MAP4: variants seen among roughly 807,000 people sequenced by gnomAD.
MAP4 encodes the protein microtubule-associated protein 4.
In MAP4, 76 loss-of-function variants were observed where a neutral mutation model predicts 170.2. The observed-to-expected ratio is 0.45, with a 90% CI of 0.37 to 0.54. The LOEUF is 0.54. Among genes scored for constraint, MAP4 ranks in the 20% least tolerant of loss-of-function variants. The pLI is 0.00. For synonymous variants in MAP4, 909 were observed against 994.5 expected, an observed-to-expected ratio of 0.91 and a Z score of 1.62; for missense variants, 2,506 against 2,748.0, an observed-to-expected ratio of 0.91 and a Z score of 1.97.
intron 10 of MAP4, among the ~76,000 whole-genome samples, chr3:47,879,960 G>A (rs544100907): frequency 6.6e-6 from 1 of 152,296 alleles, no homozygotes; most frequent in African/African-American, 2.4e-5. Flanking sequence ...GATGTTAGCT[G>A]TAGGCTTTCT....
intron 11 of MAP4, 156 bp downstream of exon 11, chr3:47,877,261 G>A (rs562145959): frequency 3.3e-6 from 2 of 610,810 alleles, no homozygotes; most frequent in Non-Finnish European, 5.9e-6. Flanking sequence ...TGTGGTAAAT[G>A]AGAATACAAG....
At chr3:47,953,704 C>T (rs2100065990) in intron 3 of MAP4, among the ~76,000 whole-genome samples, 1 of 148,698 alleles carries the variant, frequency 6.7e-6, no homozygotes, top group Non-Finnish European at 1.5e-5. Context: ...ATAATCCTTT[C>T]ACTCAGGCAT....
chr3:47,939,725 T>C (rs1157981250), intron 3 of MAP4, among the ~76,000 whole-genome samples: 4 of 145,504 alleles, frequency 2.7e-5, no homozygotes, highest in Non-Finnish European at 6.0e-5. Context: ...TTTTTTTTTT[T>C]AAACAACCAC....
intron 1 of MAP4, among the ~76,000 whole-genome samples, chr3:48,030,688 A>G (rs371249185): frequency 6.0e-5 from 9 of 149,688 alleles, no homozygotes; most frequent in East Asian, 6.0e-4. Flanking sequence ...AATCCCAGCT[A>G]CTCGGGAGGC....
intron 3 of MAP4, among the ~76,000 whole-genome samples, chr3:47,955,435 TACACACACACACACACACACACACAC>T (rs3079351): frequency 5.9e-5 from 8 of 135,398 alleles, no homozygotes; most frequent in South Asian, 2.6e-4. Flanking sequence ...AATAAGCACG[TACACACACACACACACACACACACAC>T]ACACACACAC....
chr3:47,936,980 C>CAAAAA (rs10711611), intron 3 of MAP4, among the ~76,000 whole-genome samples: 2 of 94,390 alleles, frequency 2.1e-5, no homozygotes, highest in African/African-American at 3.6e-5. Flanking sequence ...AACTCCGTCT[C>CAAAAA]AAAAAAAAAA....
Position 47,911,452 on chromosome 3 carries a change from T to C in MAP4, c.2969A>G (p.Asn990Ser), listed in dbSNP as rs2100035915. ...NPLECNLKEG[N>S]NESKMTKLQN... ...CAGTTTAGTCATTTTACTTTCATTA[T>C]TCCCTTCTTTTAGATTACATTCTAA... The change falls in exon 9 of 21, where the codon AAT becomes AGT. Residue 990 changes from asparagine (N) to serine (S), a missense_variant. Physicochemically the swap from Asn to Ser is conservative, Grantham distance 46. This residue lies in a region of MAP4 where 2,008 missense variants were observed against 2,206.0 expected (regional missense o/e 0.91). Coordinates refer to ENST00000683076, the MANE Select transcript of MAP4 (RefSeq NM_001385682.1). This position sits in a 1 kb window ranked among gnomAD's most constrained non-coding sequence, Gnocchi z 4.0. 2.0e-6 allele frequency: 3 copies of C among 1,536,114 alleles called. No individual in the cohort carries two copies. The highest frequency in any genetic ancestry group is 2.6e-6 in the Non-Finnish European group (3 of 1,146,876).
chr3:48,038,026 G>T (rs2100119632), intron 1 of MAP4, among the ~76,000 whole-genome samples: 2 of 87,884 alleles, frequency 2.3e-5, no homozygotes, highest in Non-Finnish European at 5.7e-5. Flanking sequence ...AATTAGCCAA[G>T]CATTGGTGGC....
At chr3:47,858,627 T>C (rs1278392330) in intron 17 of MAP4, among the ~76,000 whole-genome samples, 15 of 148,082 alleles carry the variant, frequency 1.0e-4, no homozygotes, top group South Asian at 2.1e-4. Flanking sequence ...GCGTTGTGTG[T>C]GTGTGTGTGT....
At chr3:48,013,613 A>T (rs935043442) in intron 1 of MAP4, 1 of 152,106 alleles carries the variant, frequency 6.6e-6, no homozygotes, top group Admixed American at 6.6e-5. Flanking sequence ...AGCTATAAAT[A>T]AACCCCCTAA....
rs200901679 is a variant in MAP4 at position 47,871,067 on chromosome 3, T to C, written c.6040A>G (p.Met2014Val). Residue 2014 changes from methionine to valine, a missense_variant, in exon 15 of 21, where the codon ATG becomes GTG. Met to Val is a conservative substitution (Grantham distance 21). Transcript: ENST00000683076. ...CCACTGAGAGTGGTGGTTTTCTTCA[T>C]GGAACTGGTGGAGGTGCTCTTTGGG... ...SRPKSTSTSS[M>V]KKTTTLSGTA... The C allele has an allele frequency of 1.8e-5, 29 of 1,610,420 alleles. No individual in the cohort carries two copies. The highest frequency in any genetic ancestry group is 3.3e-5 in the Admixed American group (2 of 59,764).
At chr3:47,882,555 G>A (rs988040855) in intron 10 of MAP4, among the ~76,000 whole-genome samples, 7 of 151,770 alleles carry the variant, frequency 4.6e-5, no homozygotes, top group Admixed American at 3.3e-4. Flanking sequence ...TTTCTTAGTG[G>A]TTGCTCTAGG....
At chr3:48,036,311 C>G (rs1283358283) in intron 1 of MAP4, among the ~76,000 whole-genome samples, 1 of 152,186 alleles carries the variant, frequency 6.6e-6, no homozygotes, top group East Asian at 1.9e-4. Flanking sequence ...CACAGCCACC[C>G]AATCCCATCC....
Position 47,871,300 on chromosome 3 carries a change from A to C in MAP4, c.5942-14T>G. The C allele has an allele frequency of 6.2e-7, 1 of 1,600,084 alleles. No individual in the cohort carries two copies. The highest frequency in any genetic ancestry group is 8.6e-7 in the Non-Finnish European group (1 of 1,167,234). On this transcript the variant is annotated splice_polypyrimidine_tract_variant and intron_variant, in intron 13 of 20. Coordinates refer to ENST00000683076, the MANE Select transcript of MAP4 (RefSeq NM_001385682.1). Reference sequence around the variant, plus strand: ...CAGTCTTAATGGCTGTACAAAATATACTTATTAATATAACATTTAACAAAC... The same window carrying C: ...CAGTCTTAATGGCTGTACAAAATATCCTTATTAATATAACATTTAACAAAC...
chr3:47,975,018 A>G, intron 3 of MAP4: 1 of 992,696 alleles, frequency 1.0e-6, no homozygotes, highest in African/African-American at 1.7e-5. Context: ...CCTTTATGAA[A>G]ACACATGTTC....
intron 1 of MAP4, among the ~76,000 whole-genome samples, chr3:48,026,984 C>G (rs1434598983): frequency 6.6e-6 from 1 of 152,154 alleles, no homozygotes; most frequent in African/African-American, 2.4e-5. Flanking sequence ...ACATATGCAT[C>G]ACCCATTACT....
At chr3:47,973,093 A>G in intron 3 of MAP4, 2 of 980,478 alleles carry the variant, frequency 2.0e-6, no homozygotes, top group Non-Finnish European at 2.4e-6. Flanking sequence ...GTGTTAATGT[A>G]AGATGTTTAT....
chr3:47,910,316 T>C lies in MAP4; in HGVS notation c.4105A>G (p.Lys1369Glu). The change falls in exon 9 of 21, where the codon AAA becomes GAA. Residue 1369 changes from lysine to glutamate, a missense_variant. This residue lies in a region of MAP4 where 2,008 missense variants were observed against 2,206.0 expected (regional missense o/e 0.91). Coordinates refer to ENST00000683076, the MANE Select transcript of MAP4 (RefSeq NM_001385682.1). ...TCAGGAGAACTATTTTTAACCTTTT[T>C]ACTTTTTCCATCATTACTCCTTTTA... ...PSKRSNDGKS[K>E]KVKNSSPEKH... 6.4e-7 allele frequency: 1 copy of C among 1,565,644 alleles called. No individual in the cohort carries two copies. The highest frequency in any genetic ancestry group is 8.6e-7 in the Non-Finnish European group (1 of 1,160,444).
chr3:48,032,507 A>C (rs935707770), intron 1 of MAP4, among the ~76,000 whole-genome samples: 5 of 151,792 alleles, frequency 3.3e-5, no homozygotes, highest in African/African-American at 1.2e-4. Flanking sequence ...CGTCTCAAAA[A>C]AAAAAAAATT....
Sources: allele counts gnomAD v4.1 joint callset (sites outside exome capture counted in the v4.1 genomes callset), GRCh38; gene constraint gnomAD v4.1.1; regional missense constraint gnomAD v4.1.1; non-coding constraint Gnocchi (gnomAD v3.1); transcripts MANE v1.5; gene names NCBI Gene and HGNC (gene_info 2026-07-23, HGNC 2026-07-21).